LHFPL6: variants seen among roughly 807,000 people sequenced by gnomAD.
The protein encoded by LHFPL6 is LHFPL tetraspan subfamily member 6 protein.
In LHFPL6, 9 loss-of-function variants were observed where a neutral mutation model predicts 20.6. The observed-to-expected ratio is 0.44, with a 90% confidence interval of 0.26 to 0.76. LHFPL6 has a LOEUF of 0.76. Ranked by LOEUF, LHFPL6 falls within the 30% of genes least tolerant of loss-of-function variation. The pLI is 0.20. For missense variants in LHFPL6, 218 were observed against 253.5 expected (o/e 0.86, Z 0.95); for synonymous variants, 105 against 98.7 (o/e 1.06, Z -0.38).
At chr13:39,528,095 G>T (rs750963330) in intron 2 of LHFPL6, among the ~76,000 whole-genome samples, 6 of 152,126 alleles carry the variant, frequency 3.9e-5, no homozygotes, top group Non-Finnish European at 5.9e-5. Context: ...GCTTTTGCTG[G>T]TTTTTGCTAA....
chr13:39,371,207 C>A (rs1044988007), intron 3 of LHFPL6, among the ~76,000 whole-genome samples: 13 of 152,152 alleles, frequency 8.5e-5, no homozygotes, highest in African/African-American at 3.1e-4. Flanking sequence ...GCTTCTTAAT[C>A]AAATTAAATA....
chr13:39,369,483 G>C (rs1301292729), intron 3 of LHFPL6, among the ~76,000 whole-genome samples: 1 of 151,682 alleles, frequency 6.6e-6, no homozygotes, highest in Non-Finnish European at 1.5e-5. Context: ...GTGATGCCAT[G>C]ATTCTTGGTA....
At chr13:39,364,862 G>T (rs557254110) in intron 3 of LHFPL6, among the ~76,000 whole-genome samples, 5 of 152,244 alleles carry the variant, frequency 3.3e-5, no homozygotes, top group Middle Eastern at 3.4e-3. Flanking sequence ...TGCTAGCACA[G>T]CTGCTATCAA....
At chr13:39,576,276 G>A (rs1206857315) in intron 2 of LHFPL6, among the ~76,000 whole-genome samples, 1 of 152,158 alleles carries the variant, frequency 6.6e-6, no homozygotes, top group Admixed American at 6.5e-5. Flanking sequence ...AAATACTGGG[G>A]CCATGAATGA....
At chr13:39,554,866 T>C (rs997320792) in intron 2 of LHFPL6, among the ~76,000 whole-genome samples, 1 of 152,222 alleles carries the variant, frequency 6.6e-6, no homozygotes, top group Non-Finnish European at 1.5e-5. Flanking sequence ...GTACTAAAGG[T>C]TGTAAATTTT....
At chr13:39,354,582 T>C (rs1869678354) in intron 3 of LHFPL6, among the ~76,000 whole-genome samples, 1 of 152,036 alleles carries the variant, frequency 6.6e-6, no homozygotes, top group African/African-American at 2.4e-5. Flanking sequence ...AGAATATGGA[T>C]GGGAAAGAAG....
chr13:39,591,022 G>T (rs1207529844), intron 2 of LHFPL6, among the ~76,000 whole-genome samples: 2 of 152,128 alleles, frequency 1.3e-5, no homozygotes, highest in Non-Finnish European at 2.9e-5. Flanking sequence ...AACTGAACCA[G>T]GTCAAAAATA....
chr13:39,459,893 A>T (rs1872651211), intron 2 of LHFPL6, among the ~76,000 whole-genome samples: 1 of 152,218 alleles, frequency 6.6e-6, no homozygotes, highest in African/African-American at 2.4e-5. Flanking sequence ...AATCACTAAA[A>T]ATAGGTTTGA....
chr13:39,530,714 T>C (rs1192171413), intron 2 of LHFPL6, among the ~76,000 whole-genome samples: 1 of 152,118 alleles, frequency 6.6e-6, no homozygotes, highest in Non-Finnish European at 1.5e-5. Context: ...TTATCACTTT[T>C]TTTCTTTTGC....
chr13:39,436,310 T>A (rs574889236), intron 2 of LHFPL6, among the ~76,000 whole-genome samples: 1 of 152,266 alleles, frequency 6.6e-6, no homozygotes, highest in South Asian at 2.1e-4. Context: ...ATCAGTAAAG[T>A]TGTGAAATTA....
At chr13:39,401,225 C>T (rs144931287) in intron 2 of LHFPL6, among the ~76,000 whole-genome samples, 349 of 152,240 alleles carry the variant, frequency 2.3e-3, no homozygotes, top group Non-Finnish European at 3.6e-3. Context: ...TTTAGAAATG[C>T]GCACACAGAC....
intron 2 of LHFPL6, among the ~76,000 whole-genome samples, chr13:39,412,870 C>T (rs368412190): frequency 6.7e-5 from 10 of 149,300 alleles, no homozygotes; most frequent in African/African-American, 7.4e-5. Context: ...TGCAGTGAGC[C>T]GAGATTGCAC....
intron 2 of LHFPL6, among the ~76,000 whole-genome samples, chr13:39,520,471 C>T (rs1468836965): frequency 1.3e-5 from 2 of 152,046 alleles, no homozygotes; most frequent in Non-Finnish European, 2.9e-5. Flanking sequence ...ATTCTAGTAG[C>T]AATTCATCAA....
intron 2 of LHFPL6, among the ~76,000 whole-genome samples, chr13:39,531,272 T>C (rs960833997): frequency 1.3e-5 from 2 of 152,182 alleles, no homozygotes; most frequent in South Asian, 2.1e-4. Flanking sequence ...ATATTGCATG[T>C]CATTGTAACA....
chr13:39,355,100 C>A lies in LHFPL6; in HGVS notation c.485-11046G>T, dbSNP rs552986131. Among the ~76,000 whole-genome samples the A allele has an allele frequency of 2.7e-5, 4 of 148,944 alleles. No individual in the cohort carries two copies. The East Asian group carries it at 7.9e-4, about 29-fold the overall frequency. On this transcript the variant is annotated intron_variant, in intron 3 of 3. Coordinates refer to ENST00000379589, the MANE Select transcript of LHFPL6 (RefSeq NM_005780.3). ...ACTAGATGCATAGTGATCAGACTCT[C>A]CAAGGTTGACATGAAAGAAAAAAAT...
At chr13:39,473,732 G>T (rs1445091097) in intron 2 of LHFPL6, among the ~76,000 whole-genome samples, 3 of 152,168 alleles carry the variant, frequency 2.0e-5, no homozygotes, top group Non-Finnish European at 4.4e-5. Flanking sequence ...CGTTACCAAT[G>T]ACAGGGTCTC....
intron 2 of LHFPL6, among the ~76,000 whole-genome samples, chr13:39,416,871 G>A (rs1871362356): frequency 1.3e-5 from 2 of 151,686 alleles, no homozygotes; most frequent in South Asian, 2.1e-4. Flanking sequence ...TTATCTTCTT[G>A]TCTACCATAG....
intron 2 of LHFPL6, among the ~76,000 whole-genome samples, chr13:39,421,098 C>T (rs984482777): frequency 9.8e-5 from 2 of 20,360 alleles, no homozygotes; most frequent in Non-Finnish European, 3.3e-3. Flanking sequence ...CAGATAACAA[C>T]AACAACAAAA....
chr13:39,597,877 G>A (rs1268721138), intron 2 of LHFPL6, among the ~76,000 whole-genome samples: 2 of 152,194 alleles, frequency 1.3e-5, no homozygotes, highest in Admixed American at 6.5e-5. Flanking sequence ...CCTTTAACTT[G>A]TTCCAAAGTA....
Sources: gnomAD v4.1 joint callset for allele counts (sites outside exome capture counted in the v4.1 genomes callset) on GRCh38, gnomAD v4.1.1 for gene constraint, MANE v1.5 for transcripts, NCBI Gene and HGNC (gene_info 2026-07-23, HGNC 2026-07-21) for gene names.